The following XRCC4 variants were observed in gnomAD, a reference collection of about 807,000 sequenced individuals.
XRCC4 encodes the protein DNA repair protein XRCC4.
In XRCC4, 28 loss-of-function variants were observed where a neutral mutation model predicts 39.1. The observed-to-expected ratio is 0.72, with a 90% CI of 0.53 to 0.98. The LOEUF is 0.98. Ranked by LOEUF, XRCC4 falls within the 50% of genes least tolerant of loss-of-function variation. XRCC4 has a pLI of 0.00. For missense variants in XRCC4, 350 were observed against 376.4 expected, an observed-to-expected ratio of 0.93 and a Z score of 0.58; for synonymous variants, 123 against 126.4, an observed-to-expected ratio of 0.97 and a Z score of 0.18.
intron 7 of XRCC4, among the ~76,000 whole-genome samples, chr5:83,274,391 T>C (rs1754252891): frequency 6.6e-6 from 1 of 152,230 alleles, no homozygotes; most frequent in Non-Finnish European, 1.5e-5. Flanking sequence ...CCATGTACTT[T>C]GTGTATTTTG....
At chr5:83,092,163 C>T (rs1342174267) in intron 1 of XRCC4, among the ~76,000 whole-genome samples, 1 of 152,116 alleles carries the variant, frequency 6.6e-6, no homozygotes, top group Non-Finnish European at 1.5e-5. Context: ...ATTCTTTTGA[C>T]AAATACCTAT....
chr5:83,260,315 CTTCA>C (rs1753705856), intron 7 of XRCC4, among the ~76,000 whole-genome samples: 1 of 152,028 alleles, frequency 6.6e-6, no homozygotes, highest in Non-Finnish European at 1.5e-5. Context: ...AAACTAAGTA[CTTCA>C]TTCAGTCAAT....
intron 3 of XRCC4, among the ~76,000 whole-genome samples, chr5:83,123,898 C>CT (rs1291208127): frequency 1.3e-5 from 2 of 152,062 alleles, no homozygotes; most frequent in Non-Finnish European, 2.9e-5. Flanking sequence ...ATTTTTTTTA[C>CT]TTTTAACAGT....
At chr5:83,210,279 T>G (rs188919240) in intron 6 of XRCC4, among the ~76,000 whole-genome samples, 22 of 152,158 alleles carry the variant, frequency 1.4e-4, no homozygotes, top group African/African-American at 5.3e-4. Flanking sequence ...TAGACACATT[T>G]ATTTATAAGT....
At chr5:83,335,897 T>C (rs1039601947) in intron 7 of XRCC4, among the ~76,000 whole-genome samples, 3 of 152,040 alleles carry the variant, frequency 2.0e-5, no homozygotes, top group African/African-American at 7.2e-5. Flanking sequence ...AAAAAGACCA[T>C]TTCTTAAGTT....
intron 3 of XRCC4, among the ~76,000 whole-genome samples, chr5:83,175,075 G>A (rs1415099855): frequency 6.6e-6 from 1 of 152,144 alleles, no homozygotes; most frequent in East Asian, 1.9e-4. Flanking sequence ...GCATTCTACA[G>A]AAGCTTATTG....
intron 7 of XRCC4, among the ~76,000 whole-genome samples, chr5:83,335,528 A>G (rs538160794): frequency 9.9e-5 from 15 of 151,980 alleles, no homozygotes; most frequent in Non-Finnish European, 1.5e-4. Flanking sequence ...TTAATCCTAT[A>G]AATCAGTACT....
At chr5:83,298,583 C>G (rs1188723641) in intron 7 of XRCC4, among the ~76,000 whole-genome samples, 1 of 148,100 alleles carries the variant, frequency 6.8e-6, no homozygotes, top group Non-Finnish European at 1.5e-5. Flanking sequence ...GTTTATTCAC[C>G]CTTGTTACTT....
intron 7 of XRCC4, among the ~76,000 whole-genome samples, chr5:83,307,136 C>T (rs301286): frequency 0.65 from 98,396 of 152,080 alleles, 35,591 homozygotes; most frequent in Non-Finnish European, 0.83. Flanking sequence ...ATCCAGTGCA[C>T]ACTTTCTTGC....
At chr5:83,264,485 CATTT>C (rs1399033135) in intron 7 of XRCC4, among the ~76,000 whole-genome samples, 3 of 151,960 alleles carry the variant, frequency 2.0e-5, no homozygotes, top group African/African-American at 4.8e-5. Context: ...GGTATTAATT[CATTT>C]ATTTTTTAAT....
chr5:83,088,989 T>C (rs1003033940), intron 1 of XRCC4, among the ~76,000 whole-genome samples: 1 of 152,326 alleles, frequency 6.6e-6, no homozygotes, highest in Middle Eastern at 3.4e-3. Flanking sequence ...ACCAATTGAT[T>C]AATCTTTCTG....
At chr5:83,192,036 G>A (rs1358895802) in intron 3 of XRCC4, among the ~76,000 whole-genome samples, 2 of 151,946 alleles carry the variant, frequency 1.3e-5, no homozygotes, top group African/African-American at 4.8e-5. Flanking sequence ...TAAAGAAAAT[G>A]TATGTGTTTT....
intron 6 of XRCC4, among the ~76,000 whole-genome samples, chr5:83,213,835 C>T (rs78445641): frequency 0.062 from 9,413 of 152,142 alleles, 1,008 homozygotes; most frequent in East Asian, 0.48. Context: ...AAAAAGCAAC[C>T]AGCTCCATAC....
chr5:83,171,797 C>A (rs1489124055), intron 3 of XRCC4, among the ~76,000 whole-genome samples: 1 of 152,128 alleles, frequency 6.6e-6, no homozygotes, highest in Non-Finnish European at 1.5e-5. Flanking sequence ...GATTGCATTT[C>A]AGTTTCTCCT....
chr5:83,239,032 C>T (rs189481992), intron 6 of XRCC4, among the ~76,000 whole-genome samples: 1 of 152,286 alleles, frequency 6.6e-6, no homozygotes. Context: ...TGATTCTGTT[C>T]TCACAGAATT....
At chr5:83,204,002 CT>C (rs1751319968) in intron 5 of XRCC4, among the ~76,000 whole-genome samples, 2 of 151,962 alleles carry the variant, frequency 1.3e-5, no homozygotes, top group Non-Finnish European at 2.9e-5. Context: ...TAAAAAAAAA[CT>C]TTCATCTGCA....
intron 7 of XRCC4, among the ~76,000 whole-genome samples, chr5:83,315,704 T>C (rs1374728449): frequency 2.0e-5 from 3 of 152,174 alleles, no homozygotes; most frequent in African/African-American, 7.2e-5. Flanking sequence ...TAGCATGATT[T>C]ACTGATTATT....
At chr5:83,290,162 C>A (rs949602469) in intron 7 of XRCC4, among the ~76,000 whole-genome samples, 7 of 151,750 alleles carry the variant, frequency 4.6e-5, no homozygotes, top group Admixed American at 1.3e-4. Flanking sequence ...CCTGCAACCT[C>A]AGTTATCTAA....
At chr5:83,307,422 T>C (rs1755527719) in intron 7 of XRCC4, among the ~76,000 whole-genome samples, 1 of 152,210 alleles carries the variant, frequency 6.6e-6, no homozygotes, top group Non-Finnish European at 1.5e-5. Context: ...ACAGTTTAGC[T>C]GAGGGATTAA....
Sources: allele counts gnomAD v4.1 joint callset (sites outside exome capture counted in the v4.1 genomes callset), GRCh38; gene constraint gnomAD v4.1.1; transcripts MANE v1.5; gene names NCBI Gene and HGNC (gene_info 2026-07-23, HGNC 2026-07-21).